The following PCBP3 variants were observed in gnomAD, a reference collection of about 807,000 sequenced individuals.
PCBP3 encodes poly(rC)-binding protein 3.
Under a neutral mutation model 52.7 loss-of-function variants are expected in PCBP3, and 25 were observed. That is an observed-to-expected ratio of 0.47 (90% CI 0.35 to 0.66). The LOEUF is 0.66. Among genes scored for constraint, PCBP3 ranks in the 30% least tolerant of loss-of-function variants. The probability of loss-of-function intolerance (pLI) is 0.01; values close to 1 mark genes in which losing one functional copy is unlikely to be tolerated. For missense variants in PCBP3, 391 were observed against 490.3 expected (o/e 0.80, Z 1.91); for synonymous variants, 162 against 183.0 (o/e 0.89, Z 0.93).
At position 45,907,762 on chromosome 21, in the gene PCBP3, A is replaced by T. The variant is rs1241529980; in HGVS notation, c.340-1593A>T. Among the ~76,000 whole-genome samples the T allele has an allele frequency of 6.8e-5, 10 of 148,072 alleles. No individual in the cohort carries two copies. In the South Asian group the frequency reaches 2.2e-3, roughly 33 times the overall value. ...TGCCTATTCGCCTGGCTCTCGGGGG[A>T]TGGGTTTTTACAGGCAGCTGGCATT... On this transcript the variant is annotated intron_variant, in intron 9 of 17. Coordinates refer to ENST00000681687, the MANE Select transcript of PCBP3 (RefSeq NM_001384156.1).
chr21:45,798,838 A>G (rs2092152802), intron 4 of PCBP3, among the ~76,000 whole-genome samples: 1 of 150,220 alleles, frequency 6.7e-6, no homozygotes, highest in Non-Finnish European at 1.5e-5. Context: ...CCGTAGAGAG[A>G]GTGAATGGAT....
intron 2 of PCBP3, among the ~76,000 whole-genome samples, chr21:45,684,498 C>G (rs1025468037): frequency 2.6e-5 from 4 of 152,106 alleles, no homozygotes; most frequent in African/African-American, 9.7e-5. Context: ...GGGAAGATCC[C>G]TCATCAATGG....
chr21:45,698,469 G>A (rs922048867), intron 2 of PCBP3, among the ~76,000 whole-genome samples: 1 of 152,212 alleles, frequency 6.6e-6, no homozygotes, highest in African/African-American at 2.4e-5. Context: ...ACGTCTCAGA[G>A]CCTCAGCCTA....
At chr21:45,835,636 G>C (rs367959039) in intron 4 of PCBP3, among the ~76,000 whole-genome samples, 2 of 152,356 alleles carry the variant, frequency 1.3e-5, no homozygotes, top group African/African-American at 2.4e-5. Context: ...TGGCCCCTGC[G>C]TGAGGAAGAC....
At chr21:45,884,354 A>G (rs771347834) in intron 5 of PCBP3, among the ~76,000 whole-genome samples, 18 of 152,076 alleles carry the variant, frequency 1.2e-4, no homozygotes, top group Non-Finnish European at 1.3e-4. Flanking sequence ...TTTAGAGTAT[A>G]TATCTGTATG....
intron 5 of PCBP3, among the ~76,000 whole-genome samples, chr21:45,875,171 G>A (rs943085355): frequency 5.9e-5 from 9 of 152,032 alleles, no homozygotes; most frequent in Admixed American, 5.2e-4. Context: ...GCGCGCTCCG[G>A]CTGACTCACC....
intron 1 of PCBP3, among the ~76,000 whole-genome samples, chr21:45,652,690 G>A (rs772624838): frequency 2.6e-5 from 4 of 152,044 alleles, no homozygotes; most frequent in Non-Finnish European, 5.9e-5. Flanking sequence ...TGATCTGCCC[G>A]CCTCGGCCTC....
At chr21:45,646,278 ATTC>A (rs1241694298) in intron 1 of PCBP3, among the ~76,000 whole-genome samples, 12 of 151,952 alleles carry the variant, frequency 7.9e-5, no homozygotes, top group East Asian at 1.9e-4. Flanking sequence ...ACGCCATTTT[ATTC>A]TTCTTTTTAA....
At chr21:45,684,253 G>A (rs1405403356) in intron 2 of PCBP3, among the ~76,000 whole-genome samples, 1 of 151,990 alleles carries the variant, frequency 6.6e-6, no homozygotes, top group African/African-American at 2.4e-5. Flanking sequence ...AAACAAAAAA[G>A]TAATAAGGTC....
At chr21:45,939,160 G>A (rs1349488280) in intron 16 of PCBP3, among the ~76,000 whole-genome samples, 1 of 152,240 alleles carries the variant, frequency 6.6e-6, no homozygotes, top group African/African-American at 2.4e-5. Flanking sequence ...GCACCCTCCA[G>A]TCTGGGGCTT....
intron 4 of PCBP3, among the ~76,000 whole-genome samples, chr21:45,789,345 A>G (rs1356319142): frequency 1.3e-5 from 2 of 152,054 alleles, no homozygotes; most frequent in Non-Finnish European, 2.9e-5. Context: ...TGTGTGCATG[A>G]GTGGGTGCAT....
At chr21:45,939,994 C>T (rs2077288826) in intron 16 of PCBP3, 36 bp from the exon 17 acceptor site, 3 of 1,594,518 alleles carry the variant, frequency 1.9e-6, no homozygotes, top group Non-Finnish European at 1.7e-6. Flanking sequence ...CTGGCTTGGG[C>T]TGTTCTCTAA....
intron 9 of PCBP3, among the ~76,000 whole-genome samples, chr21:45,908,949 C>T (rs577580428): frequency 3.3e-5 from 5 of 152,288 alleles, no homozygotes; most frequent in East Asian, 3.9e-4. Flanking sequence ...GGCCTGTCCC[C>T]GACATCCCTG....
intron 4 of PCBP3, among the ~76,000 whole-genome samples, chr21:45,823,007 C>A (rs996800584): frequency 2.0e-5 from 3 of 152,244 alleles, no homozygotes; most frequent in South Asian, 2.1e-4. Flanking sequence ...GTAAGGTCTT[C>A]CCCCTCCATG....
intron 2 of PCBP3, among the ~76,000 whole-genome samples, chr21:45,712,829 G>C (rs1466520058): frequency 6.6e-6 from 1 of 151,984 alleles, no homozygotes; most frequent in Non-Finnish European, 1.5e-5. Context: ...ACAGCCTCCT[G>C]AGTAGTTGGG....
At chr21:45,930,686 G>A (rs540514190) in intron 14 of PCBP3, 100 bp from the exon 15 acceptor site, 281 of 636,740 alleles carry the variant, frequency 4.4e-4, no homozygotes, top group African/African-American at 3.5e-3. Context: ...AGAGAGCGCC[G>A]GTGCGTGCGC....
At chr21:45,824,080 TG>T (rs1323865792) in intron 4 of PCBP3, among the ~76,000 whole-genome samples, 1 of 152,222 alleles carries the variant, frequency 6.6e-6, no homozygotes, top group Non-Finnish European at 1.5e-5. Context: ...CAATTTATAA[TG>T]TGTCTTTAGT....
chr21:45,905,682 TCA>T (rs1343270039), intron 9 of PCBP3, among the ~76,000 whole-genome samples: 1 of 152,208 alleles, frequency 6.6e-6, no homozygotes, highest in Non-Finnish European at 1.5e-5. Flanking sequence ...TCCTGGGTCC[TCA>T]CAGAGTCACC....
At chr21:45,674,833 G>A (rs2081368907) in intron 2 of PCBP3, among the ~76,000 whole-genome samples, 1 of 152,116 alleles carries the variant, frequency 6.6e-6, no homozygotes, top group Admixed American at 6.5e-5. Flanking sequence ...ACCCATGCTG[G>A]GACTGGCTCT....
Sources: gnomAD v4.1 joint callset for allele counts (sites outside exome capture counted in the v4.1 genomes callset) on GRCh38, gnomAD v4.1.1 for gene constraint, MANE v1.5 for transcripts, NCBI Gene and HGNC (gene_info 2026-07-23, HGNC 2026-07-21) for gene names.